Variants in DNMT3L observed in about 807,000 individuals in gnomAD.
The protein encoded by DNMT3L is DNA methyltransferase 3 like, also known as DNA (cytosine-5)-methyltransferase 3-like.
In DNMT3L, 33 loss-of-function variants were observed where a neutral mutation model predicts 36.2. That is an observed-to-expected ratio of 0.91 (90% CI 0.69 to 1.22). The LOEUF is 1.22. Ranked by LOEUF, DNMT3L falls within the 50% of genes most tolerant of loss-of-function variation. The probability of loss-of-function intolerance (pLI) is 0.00; values close to 1 mark genes in which losing one functional copy is unlikely to be tolerated. For missense variants in DNMT3L, 310 were observed against 303.1 expected (o/e 1.02, Z -0.17); for synonymous variants, 117 against 121.7 (o/e 0.96, Z 0.26).
intron 3 of DNMT3L, 85 bp downstream of exon 3, chr21:44,260,710 G>T: frequency 1.3e-6 from 2 of 1,552,982 alleles, no homozygotes; most frequent in Non-Finnish European, 1.8e-6. Flanking sequence ...CTCCCACATT[G>T]GTCTCCCAAA....
At chr21:44,261,095 C>T in intron 2 of DNMT3L, 59 bp downstream of exon 2, 1 of 1,576,312 alleles carries the variant, frequency 6.3e-7, no homozygotes, top group Non-Finnish European at 8.7e-7. Flanking sequence ...CTCCAGACCT[C>T]ATCCAGGCCT....
intron 8 of DNMT3L, among the ~76,000 whole-genome samples, chr21:44,254,099 C>A (rs1324439685): frequency 2.0e-5 from 3 of 152,182 alleles, no homozygotes; most frequent in African/African-American, 7.2e-5. Context: ...ACCAAGGCAG[C>A]GGGGAATCTG....
At chr21:44,256,263 G>A (rs878972288) in intron 6 of DNMT3L, 109 bp from the exon 7 acceptor site, 24 of 1,133,420 alleles carry the variant, frequency 2.1e-5, no homozygotes, top group South Asian at 1.5e-4. Flanking sequence ...GAGACTCACC[G>A]GAGACACACA....
At position 44,259,639 on chromosome 21, in the gene DNMT3L, G is replaced by A. The variant is rs557955171; in HGVS notation, c.224C>T (p.Pro75Leu). ...HPLFEGGICAPCKDKFLDALF... is the reference protein window; with the variant it reads ...HPLFEGGICALCKDKFLDALF... ...CCCAGCCTCCCTGCCTACCTTACAT[G>A]GGGCGCAGATCCCTCCCTCAAACAG... The change falls in exon 4 of 12, where the codon CCA becomes CTA. Residue 75 changes from proline to leucine, a missense_variant. Pro to Leu is a moderately conservative substitution (Grantham distance 98). Transcript: ENST00000628202. 6 of 1,613,248 alleles carry A rather than the reference G, an allele frequency of 3.7e-6. No homozygotes were observed. The African/African-American group carries it at 6.7e-5, about 18-fold the overall frequency.
At chr21:44,255,181 C>G (rs2040247407) in intron 7 of DNMT3L, among the ~76,000 whole-genome samples, 1 of 152,096 alleles carries the variant, frequency 6.6e-6, no homozygotes, top group Admixed American at 6.6e-5. Context: ...AGGTTTTTGT[C>G]TCACAACAAG....
Position 44,259,394 on chromosome 21 carries a change from G to A in DNMT3L, c.344+43C>T, listed in dbSNP as rs758678489. On this transcript the variant is annotated intron_variant, in intron 5 of 11. Coordinates refer to ENST00000628202, the MANE Select transcript of DNMT3L (RefSeq NM_175867.3). ...AATGAGTAGCTGAAAGGATGGGTGT[G>A]TCCTCAGCCCCTTCACCCCCCTGGG... is the stretch of plus-strand genomic sequence containing the variant. 4.4e-6 allele frequency: 7 copies of A among 1,588,188 alleles called. No homozygotes were observed. The South Asian group carries it at 6.6e-5, about 15-fold the overall frequency.
intron 6 of DNMT3L, among the ~76,000 whole-genome samples, chr21:44,256,426 T>G (rs1399657367): frequency 3.4e-5 from 5 of 146,316 alleles, no homozygotes; most frequent in Non-Finnish European, 7.5e-5. Context: ...CTGATTTTTT[T>G]TTTTTTTTTT....
Position 44,261,421 on chromosome 21 carries a change from G to A in DNMT3L, c.-7-155C>T, listed in dbSNP as rs146245304. 8.3e-3 allele frequency among the ~76,000 whole-genome samples: 1,266 copies of A among 152,316 alleles called. 19 individuals are homozygous for A. Among genetic ancestry groups the A allele is most frequent in the African/African-American group, 0.03 (1,229 of 41,568 alleles). On this transcript the variant is annotated intron_variant, in intron 1 of 11. Transcript: ENST00000628202. ...GTGACACCCACCTGCCCAACCCAGG[G>A]ATGAGGGGCAGGACAGCCAAGGCCA...
intron 7 of DNMT3L, 98 bp from the exon 8 acceptor site, chr21:44,254,803 C>T (rs2040244776): frequency 1.7e-6 from 2 of 1,186,170 alleles, no homozygotes; most frequent in African/African-American, 1.5e-5. Flanking sequence ...GACCCTCCTA[C>T]CATTAAGGAG....
In DNMT3L at chr21:44,258,985, G is replaced by T. The variant is rs145195503; in HGVS notation, c.345-291C>A. ...CCAAACTCGAGCCTGCAGAAACAGC[G>T]TAGGGACTCCCAGCAAAACCAAATG... On this transcript the variant is annotated intron_variant, in intron 5 of 11. Coordinates refer to ENST00000628202, the MANE Select transcript of DNMT3L (RefSeq NM_175867.3). The surrounding 1 kb of genome is among the most constrained non-coding windows in gnomAD (Gnocchi z 6.2). 6.6e-6 allele frequency among the ~76,000 whole-genome samples: 1 copy of T among 152,254 alleles called. No homozygotes were observed. The highest frequency in any genetic ancestry group is 1.9e-4 in the East Asian group (1 of 5,186).
chr21:44,260,096 T>C (rs2040303685), intron 3 of DNMT3L, among the ~76,000 whole-genome samples: 1 of 136,132 alleles, frequency 7.3e-6, no homozygotes, highest in South Asian at 2.4e-4. Context: ...ATTGTTAAAA[T>C]AGCATGAGTC....
At chr21:44,255,644 G>T (rs565436752) in intron 7 of DNMT3L, among the ~76,000 whole-genome samples, 19 of 152,322 alleles carry the variant, frequency 1.2e-4, no homozygotes, top group African/African-American at 4.3e-4. Flanking sequence ...GCCCTGGAAC[G>T]GCCCTGGAGG....
At position 44,260,871 on chromosome 21, in the gene DNMT3L, T is replaced by TTCTTCC. The variant is rs1568917814; in HGVS notation, c.107-38_107-33dup. ...AGGAAGATAAGAAGTAGCCCCTTTC[T>TTCTTCC]TCTTCCTCTGATCTCTTAATTTAAA... On this transcript the variant is annotated intron_variant, in intron 2 of 11. Coordinates refer to ENST00000628202, the MANE Select transcript of DNMT3L (RefSeq NM_175867.3). 3 of 1,612,790 alleles carry TTCTTCC rather than the reference T, an allele frequency of 1.9e-6. No individual in the cohort carries two copies. In the South Asian group the frequency reaches 3.3e-5, roughly 18 times the overall value.
In DNMT3L at chr21:44,256,292, G is replaced by A. The variant is rs921102846; in HGVS notation, c.517-138C>T. 11 of 861,772 alleles carry A rather than the reference G, an allele frequency of 1.3e-5. No individual in the cohort carries two copies. The African/African-American group carries it at 1.7e-4, about 13-fold the overall frequency. The allele number at this position is 861,772 out of a possible 1,614,324, so 53.4% of individuals were successfully genotyped here. On this transcript the variant is annotated intron_variant, in intron 6 of 11. Transcript: ENST00000628202. ...ACACACATAAGACACACCTGCTGAG[G>A]CTGACTGGGCCTGTCCTGACCAGCA... is the stretch of plus-strand genomic sequence containing the variant.
chr21:44,261,344 AAGCAGCTTGCTG>A, intron 1 of DNMT3L, 78 bp from the exon 2 acceptor site: 5 of 1,403,848 alleles, frequency 3.6e-6, no homozygotes, highest in Non-Finnish European at 4.9e-6. Context: ...CCAGCACGGG[AAGCAGCTTGCTG>A]AGCAGACCTT....
At chr21:44,259,108 G>A (rs938749147) in intron 5 of DNMT3L, among the ~76,000 whole-genome samples, 6 of 152,114 alleles carry the variant, frequency 3.9e-5, no homozygotes, top group African/African-American at 7.2e-5. Context: ...GGAGGGAGCC[G>A]AGGCGAGGGA....
Position 44,257,246 on chromosome 21 carries a change from G to A in DNMT3L, c.517-1092C>T, listed in dbSNP as rs564603166. Among the ~76,000 whole-genome samples, 36 of 152,304 alleles carry A rather than the reference G, an allele frequency of 2.4e-4. No homozygotes were observed. In the South Asian group the frequency reaches 7.3e-3, roughly 31 times the overall value. ...AGTACAGAATTAGCCGGGTGTGGCGGTCGGTGCCTGTAATCCCAGGTACTC... is the reference window on the plus strand; with the variant it reads ...AGTACAGAATTAGCCGGGTGTGGCGATCGGTGCCTGTAATCCCAGGTACTC... On this transcript the variant is annotated intron_variant, in intron 6 of 11. Coordinates refer to ENST00000628202, the MANE Select transcript of DNMT3L (RefSeq NM_175867.3).
intron 7 of DNMT3L, 102 bp downstream of exon 7, chr21:44,255,965 G>T (rs1372737794): frequency 8.3e-7 from 1 of 1,210,690 alleles, no homozygotes; most frequent in Non-Finnish European, 1.2e-6. Flanking sequence ...GCAGTTGGCC[G>T]GTCTAGGGGA....
rs745441862 is a variant in DNMT3L at position 44,258,686 on chromosome 21, C to T, written c.353G>A (p.Cys118Tyr). The change falls in exon 6 of 12, where the codon TGC becomes TAC. Residue 118 changes from cysteine to tyrosine, a missense_variant. Coordinates refer to ENST00000628202, the MANE Select transcript of DNMT3L (RefSeq NM_175867.3). This position sits in a 1 kb window ranked among gnomAD's most constrained non-coding sequence, Gnocchi z 6.2. ...CGNPDCTRCY[C>Y]FECVDSLVGP... Reference sequence around the variant, plus strand: ...GACCAGGCTATCCACACACTCGAAGCAGTAGCATCTAAGGCCAGACAGAAA... The same window carrying T: ...GACCAGGCTATCCACACACTCGAAGTAGTAGCATCTAAGGCCAGACAGAAA... The T allele has an allele frequency of 4.3e-6, 7 of 1,612,476 alleles. No individual in the cohort carries two copies. Among genetic ancestry groups the T allele is most frequent in the Non-Finnish European group, 5.9e-6 (7 of 1,179,712 alleles).
Sources: gnomAD v4.1 joint callset for allele counts (sites outside exome capture counted in the v4.1 genomes callset) on GRCh38, gnomAD v4.1.1 for gene constraint, Gnocchi (gnomAD v3.1) non-coding constraint, MANE v1.5 for transcripts, NCBI Gene and HGNC (gene_info 2026-07-23, HGNC 2026-07-21) for gene names.